AAK1: variants seen among roughly 807,000 people sequenced by gnomAD.
The protein encoded by AAK1 is AP2-associated protein kinase 1.
A neutral mutation model predicts 116.0 loss-of-function variants in AAK1; 37 were observed. The ratio of observed to expected loss-of-function variants is 0.32; its 90% CI spans 0.25 to 0.42. The LOEUF is 0.42. Among genes scored for constraint, AAK1 ranks in the 10% least tolerant of loss-of-function variants. The pLI, the probability that AAK1 is intolerant of heterozygous loss-of-function variation, is 1.00. For missense variants in AAK1, 919 were observed against 1,170.6 expected, an observed-to-expected ratio of 0.79 and a Z score of 3.14; for synonymous variants, 458 against 439.9, an observed-to-expected ratio of 1.04 and a Z score of -0.51.
At chr2:69,520,224 G>C (rs892363510) in intron 11 of AAK1, 5 of 197,470 alleles carry the variant, frequency 2.5e-5, no homozygotes, top group African/African-American at 9.3e-5. Flanking sequence ...TAAAGAGGGA[G>C]GATAAGGTTC....
intron 2 of AAK1, among the ~76,000 whole-genome samples, chr2:69,604,302 T>C (rs935727436): frequency 6.6e-6 from 1 of 152,198 alleles, no homozygotes; most frequent in Non-Finnish European, 1.5e-5. Flanking sequence ...ATCTTTCGTG[T>C]TGTCATGAAC....
At position 69,480,870 on chromosome 2, in the gene AAK1, C is replaced by T. The variant is rs370923112; in HGVS notation, c.2559G>A (p.Ser853=). Residue 853 remains serine (S), a synonymous_variant, in exon 19 of 22, where the codon TCG becomes TCA. Coordinates refer to ENST00000409085, the MANE Select transcript of AAK1 (RefSeq NM_014911.5). ...AGACACCTGACTGACCTGTGCGATTCGAGGTCACAGATTCCGTCTGAGATG... is the reference window on the plus strand; with the variant it reads ...AGACACCTGACTGACCTGTGCGATTTGAGGTCACAGATTCCGTCTGAGATG... ...RLPSQTESVT[S]NRTDSLTGED... 6.3e-6 allele frequency: 10 copies of T among 1,597,118 alleles called. No homozygotes were observed. Among genetic ancestry groups the T allele is most frequent in the East Asian group, 2.3e-5 (1 of 44,290 alleles).
At chr2:69,640,552 A>T (rs3849390) in intron 2 of AAK1, among the ~76,000 whole-genome samples, 21,254 of 152,130 alleles carry the variant, frequency 0.14, 3,198 homozygotes, top group East Asian at 0.39. Flanking sequence ...CAATCACACT[A>T]TAGACCTCCC....
chr2:69,623,963 G>A (rs866569222), intron 2 of AAK1, among the ~76,000 whole-genome samples: 2 of 151,714 alleles, frequency 1.3e-5, no homozygotes, highest in Admixed American at 6.6e-5. Flanking sequence ...TGCCCTAACC[G>A]GAATATAAGT....
At chr2:69,508,661 T>A (rs1457340704) in intron 14 of AAK1, among the ~76,000 whole-genome samples, 1 of 152,188 alleles carries the variant, frequency 6.6e-6, no homozygotes, top group African/African-American at 2.4e-5. Flanking sequence ...AAATTATACA[T>A]CATATCAGAG....
intron 2 of AAK1, among the ~76,000 whole-genome samples, chr2:69,635,945 G>A (rs1188265508): frequency 6.6e-6 from 1 of 152,224 alleles, no homozygotes; most frequent in East Asian, 1.9e-4. Flanking sequence ...TAGGTTATGT[G>A]TATTTTACAT....
chr2:69,585,170 T>C (rs973983746), intron 2 of AAK1, among the ~76,000 whole-genome samples: 1 of 152,218 alleles, frequency 6.6e-6, no homozygotes, highest in Non-Finnish European at 1.5e-5. Flanking sequence ...GAGACTATTC[T>C]ATGAAAAGGA....
chr2:69,625,373 C>T (rs1046832333), intron 2 of AAK1, among the ~76,000 whole-genome samples: 3 of 152,208 alleles, frequency 2.0e-5, no homozygotes, highest in East Asian at 3.8e-4. Context: ...GACAGCAATC[C>T]AGGGCCATTT....
chr2:69,467,602 TATTAGATACAATG>T lies in AAK1; in HGVS notation c.*8254_*8266del, dbSNP rs1196007792. On this transcript the variant is annotated 3_prime_UTR_variant, in exon 22 of 22. Transcript: ENST00000409085. The stretch of plus-strand genomic sequence containing the variant: ...GTTTCCCAACCCACCAGGATAAGAA[TATTAGATACAATG>T]ATTTGGAGCCATAGATGACCCAGAA... 33 of 985,250 alleles carry T rather than the reference TATTAGATACAATG, an allele frequency of 3.3e-5. No homozygotes were observed. The highest frequency in any genetic ancestry group is 4.0e-5 in the Non-Finnish European group (33 of 829,934). 61.0% of individuals were successfully genotyped at this position (985,250 alleles called of 1,614,324 possible). A position where few individuals can be genotyped will look rare whatever the true frequency, so the allele number is the denominator to read the frequency against.
intron 2 of AAK1, among the ~76,000 whole-genome samples, chr2:69,596,232 T>G (rs1241128832): frequency 6.6e-6 from 1 of 151,872 alleles, no homozygotes; most frequent in Non-Finnish European, 1.5e-5. Context: ...TTTTTTTTTT[T>G]TTTTTTGAGA....
intron 2 of AAK1, among the ~76,000 whole-genome samples, chr2:69,599,521 G>A (rs1350469447): frequency 6.6e-6 from 1 of 152,044 alleles, no homozygotes; most frequent in African/African-American, 2.4e-5. Context: ...TTCTGGGTCT[G>A]TAAATGTTAT....
intron 14 of AAK1, among the ~76,000 whole-genome samples, chr2:69,508,968 G>A (rs910051585): frequency 3.9e-5 from 6 of 152,224 alleles, no homozygotes; most frequent in Non-Finnish European, 5.9e-5. Context: ...AATGAGAACA[G>A]TGGGCCAAGT....
chr2:69,517,803 G>A (rs1676645709), intron 12 of AAK1, among the ~76,000 whole-genome samples: 1 of 151,694 alleles, frequency 6.6e-6, no homozygotes, highest in African/African-American at 2.4e-5. Context: ...AAAGAGGAGA[G>A]GGAACCTATG....
At chr2:69,548,505 TTCTC>T (rs922211043) in intron 3 of AAK1, among the ~76,000 whole-genome samples, 14 of 151,788 alleles carry the variant, frequency 9.2e-5, no homozygotes, top group South Asian at 4.2e-4. Flanking sequence ...TCTCCTTCCT[TTCTC>T]TCTTTCTTCC....
chr2:69,544,675 C>T (rs573757489), intron 3 of AAK1, 131 bp from the exon 4 acceptor site: 53 of 675,258 alleles, frequency 7.8e-5, no homozygotes, highest in African/African-American at 1.8e-5. Context: ...GACTAAGGAG[C>T]AAAGTCAAGA....
chr2:69,558,928 T>G (rs147681210), intron 2 of AAK1, among the ~76,000 whole-genome samples: 43 of 152,326 alleles, frequency 2.8e-4, no homozygotes, highest in African/African-American at 9.9e-4. Context: ...AGTTATTCTT[T>G]TCAAGTTAGC....
rs934059631 is a variant in AAK1 at position 69,465,823 on chromosome 2, C to T, written c.*10046G>A. 2 of 1,290,708 alleles carry T rather than the reference C, an allele frequency of 1.5e-6. No homozygotes were observed. Among genetic ancestry groups the T allele is most frequent in the African/African-American group, 3.0e-5 (2 of 65,788 alleles). 80.0% of individuals were successfully genotyped at this position (1,290,708 alleles called of 1,614,324 possible). A position where few individuals can be genotyped will look rare whatever the true frequency, so the allele number is the denominator to read the frequency against. On this transcript the variant is annotated 3_prime_UTR_variant, in exon 22 of 22. Coordinates refer to ENST00000409085, the MANE Select transcript of AAK1 (RefSeq NM_014911.5). ...AGGAGGTTAGACTGTTGCACAAAAC[C>T]AGCTGTGGAATACTGAGCTTGGACA...
intron 2 of AAK1, chr2:69,594,931 T>C: frequency 9.3e-7 from 1 of 1,074,282 alleles, no homozygotes; most frequent in Non-Finnish European, 1.4e-6. Context: ...GCCACTCTGC[T>C]TCCTGTCATA....
At chr2:69,584,381 C>T (rs2105150742) in intron 2 of AAK1, among the ~76,000 whole-genome samples, 1 of 152,250 alleles carries the variant, frequency 6.6e-6, no homozygotes, top group South Asian at 2.1e-4. Context: ...ATAATTCGCT[C>T]TTGGGAACTT....
Sources: gnomAD v4.1 joint callset for allele counts (sites outside exome capture counted in the v4.1 genomes callset) on GRCh38, gnomAD v4.1.1 for gene constraint, MANE v1.5 for transcripts, NCBI Gene and HGNC (gene_info 2026-07-23, HGNC 2026-07-21) for gene names.